The following SGCZ variants were observed in gnomAD, a reference collection of about 807,000 sequenced individuals.
The protein encoded by SGCZ is zeta-sarcoglycan.
A neutral mutation model predicts 41.3 loss-of-function variants in SGCZ; 40 were observed. That is an observed-to-expected ratio of 0.97 (90% CI 0.75 to 1.26). The LOEUF (loss-of-function observed/expected upper bound fraction) is 1.26, where lower values mean the gene tolerates loss of function less well. Ranked by LOEUF, SGCZ falls within the 50% of genes most tolerant of loss-of-function variation. The pLI is 0.00. For missense variants in SGCZ, 552 were observed against 369.8 expected, an observed-to-expected ratio of 1.49 and a Z score of -4.04; for synonymous variants, 206 against 137.5, an observed-to-expected ratio of 1.50 and a Z score of -3.49.
rs1356100552 is a variant in SGCZ at position 14,836,361 on chromosome 8, G to A, written c.40-281435C>T. Among the ~76,000 whole-genome samples, 7 of 152,160 alleles carry A rather than the reference G, an allele frequency of 4.6e-5. No homozygotes were observed. The South Asian group carries it at 8.3e-4, about 18-fold the overall frequency. ...TTATTGGGAGAATATTTAAAGATAG[G>A]AACCATTATTAAATCCTCAATACTC... is the stretch of plus-strand genomic sequence containing the variant. On this transcript the variant is annotated intron_variant, in intron 1 of 7. Coordinates refer to ENST00000382080, the MANE Select transcript of SGCZ (RefSeq NM_139167.4).
At chr8:14,589,590 A>AT (rs1316440655) in intron 1 of SGCZ, among the ~76,000 whole-genome samples, 5 of 152,098 alleles carry the variant, frequency 3.3e-5, no homozygotes, top group Admixed American at 6.6e-5. Context: ...TAGATGTCTT[A>AT]TTTTTAAAAT....
At chr8:14,904,027 A>T (rs922892520) in intron 1 of SGCZ, among the ~76,000 whole-genome samples, 21 of 152,108 alleles carry the variant, frequency 1.4e-4, no homozygotes, top group African/African-American at 5.1e-4. Flanking sequence ...AAAAAATTTT[A>T]AAAGTCAACT....
chr8:14,239,921 A>C (rs1390337675), intron 3 of SGCZ, among the ~76,000 whole-genome samples: 28 of 149,028 alleles, frequency 1.9e-4, no homozygotes, highest in African/African-American at 5.2e-4. Context: ...AAAAAAAAAA[A>C]AAAAAAAAAA....
At chr8:15,168,904 T>A (rs1207834815) in intron 1 of SGCZ, among the ~76,000 whole-genome samples, 1 of 152,196 alleles carries the variant, frequency 6.6e-6, no homozygotes, top group Non-Finnish European at 1.5e-5. Flanking sequence ...AAGCTCAGCA[T>A]GCTGGCAAAA....
intron 1 of SGCZ, among the ~76,000 whole-genome samples, chr8:14,716,325 A>C (rs563158448): frequency 6.6e-6 from 1 of 152,226 alleles, no homozygotes; most frequent in Non-Finnish European, 1.5e-5. Context: ...TGAGAGCAAA[A>C]TCATAAACTT....
At chr8:15,033,328 G>T (rs983228593) in intron 1 of SGCZ, among the ~76,000 whole-genome samples, 1 of 151,760 alleles carries the variant, frequency 6.6e-6, no homozygotes, top group African/African-American at 2.4e-5. Context: ...CAGACTCCAG[G>T]AAAGCACCCA....
chr8:14,629,393 G>T (rs907152597), intron 1 of SGCZ, among the ~76,000 whole-genome samples: 4 of 151,802 alleles, frequency 2.6e-5, no homozygotes, highest in African/African-American at 7.3e-5. Context: ...AAAGAATAAT[G>T]AATACAATTA....
intron 1 of SGCZ, among the ~76,000 whole-genome samples, chr8:14,959,967 A>G (rs1446098525): frequency 2.0e-5 from 3 of 152,170 alleles, no homozygotes; most frequent in Non-Finnish European, 4.4e-5. Context: ...AAACTCTGCC[A>G]AAAGTCTTCT....
chr8:14,218,500 A>C (rs5014265), intron 4 of SGCZ, among the ~76,000 whole-genome samples: 151,278 of 152,354 alleles, frequency 0.99, 75,118 homozygotes, highest in East Asian at 1. Context: ...AAAGTTTCTG[A>C]AAAATTGCTT....
In SGCZ at chr8:14,646,181, G is replaced by C. The variant is rs150677352; in HGVS notation, c.40-91255C>G. Among the ~76,000 whole-genome samples, 105 of 151,914 alleles carry C rather than the reference G, an allele frequency of 6.9e-4. 1 individual carries two copies. Among genetic ancestry groups the C allele is most frequent in the South Asian group, 6.4e-3 (31 of 4,812 alleles). On this transcript the variant is annotated intron_variant, in intron 1 of 7. Transcript: ENST00000382080. ...ATACTGAGCACAGTACCCACAAGTAGTTTTTCAGCTTACTGCTCCTGACTC... is the reference window on the plus strand; with the variant it reads ...ATACTGAGCACAGTACCCACAAGTACTTTTTCAGCTTACTGCTCCTGACTC...
In SGCZ at chr8:14,703,599, T is replaced by C. The variant is rs191768868; in HGVS notation, c.40-148673A>G. On this transcript the variant is annotated intron_variant, in intron 1 of 7. Transcript: ENST00000382080. ...TAGTCTATTTGGTATATACTCTATA[T>C]ATGTTGAATAAGCAAATTTATGGTA... is the stretch of plus-strand genomic sequence containing the variant. Among the ~76,000 whole-genome samples, 36 of 152,144 alleles carry C rather than the reference T, an allele frequency of 2.4e-4. No homozygotes were observed. In the South Asian group the frequency reaches 3.7e-3, roughly 16 times the overall value.
rs934063269 is a variant in SGCZ at position 14,154,984 on chromosome 8, G to A, written c.547+9596C>T. Among the ~76,000 whole-genome samples the A allele has an allele frequency of 1.3e-4, 20 of 152,262 alleles. 1 individual carries two copies. Among genetic ancestry groups the A allele is most frequent in the African/African-American group, 2.9e-4 (12 of 41,550 alleles). On this transcript the variant is annotated intron_variant, in intron 5 of 7. Transcript: ENST00000382080. ...GTATCAGCTACCTCCACTGAAGGCC[G>A]TTGAAATTGCAGGTTGCGAGCAAAA...
At chr8:14,551,561 A>ATATATAT (rs1563404762) in intron 2 of SGCZ, among the ~76,000 whole-genome samples, 250 of 17,748 alleles carry the variant, frequency 0.014, 16 homozygotes, top group African/African-American at 0.045. Context: ...AATATATATT[A>ATATATAT]TATATATAAT....
chr8:14,768,316 C>T (rs1297027125), intron 1 of SGCZ, among the ~76,000 whole-genome samples: 1 of 152,126 alleles, frequency 6.6e-6, no homozygotes, highest in Non-Finnish European at 1.5e-5. Context: ...TATTTAGATA[C>T]TTTATAAAGT....
intron 2 of SGCZ, among the ~76,000 whole-genome samples, chr8:14,393,011 G>GTAA (rs1183686136): frequency 6.6e-6 from 1 of 151,886 alleles, no homozygotes; most frequent in Admixed American, 6.6e-5. Flanking sequence ...AACTGTACTG[G>GTAA]TAATACCCTC....
intron 4 of SGCZ, among the ~76,000 whole-genome samples, chr8:14,193,558 T>C (rs1397936187): frequency 2.6e-5 from 4 of 152,126 alleles, no homozygotes; most frequent in Admixed American, 2.6e-4. Context: ...TATTAAATGA[T>C]TTCAGGCTGC....
intron 2 of SGCZ, among the ~76,000 whole-genome samples, chr8:14,400,764 T>TG (rs1799048892): frequency 6.6e-6 from 1 of 152,020 alleles, no homozygotes; most frequent in Non-Finnish European, 1.5e-5. Flanking sequence ...AATAGTATTT[T>TG]TTTTTACAGA....
At chr8:14,144,351 G>A (rs906544240) in intron 5 of SGCZ, among the ~76,000 whole-genome samples, 2 of 152,130 alleles carry the variant, frequency 1.3e-5, no homozygotes, top group African/African-American at 4.8e-5. Flanking sequence ...GCTCCAAAAT[G>A]ACATTTCTAG....
At chr8:14,319,325 A>T (rs1008291102) in intron 3 of SGCZ, 17 of 151,986 alleles carry the variant, frequency 1.1e-4, no homozygotes, top group Non-Finnish European at 1.6e-4. Context: ...GCTTGGACTT[A>T]ATAGTGAAGT....
Sources: gnomAD v4.1 joint callset for allele counts (sites outside exome capture counted in the v4.1 genomes callset) on GRCh38, gnomAD v4.1.1 for gene constraint, MANE v1.5 for transcripts, NCBI Gene and HGNC (gene_info 2026-07-23, HGNC 2026-07-21) for gene names.